Variants in LHFPL3 observed in about 807,000 individuals in gnomAD.
LHFPL3 encodes the protein LHFPL tetraspan subfamily member 3, also known as LHFPL tetraspan subfamily member 3 protein.
Under a neutral mutation model 19.3 loss-of-function variants are expected in LHFPL3, and 5 were observed. That is an observed-to-expected ratio of 0.26 (90% confidence interval 0.14 to 0.54). LHFPL3 has a LOEUF of 0.54. Ranked by LOEUF, LHFPL3 falls within the 20% of genes least tolerant of loss-of-function variation. LHFPL3 has a pLI of 0.94. For missense variants in LHFPL3, 249 were observed against 307.4 expected (o/e 0.81, Z 1.42); for synonymous variants, 133 against 126.2 (o/e 1.05, Z -0.36).
intron 1 of LHFPL3, among the ~76,000 whole-genome samples, chr7:104,476,708 C>T (rs1793026159): frequency 6.6e-6 from 1 of 152,194 alleles, no homozygotes; most frequent in Non-Finnish European, 1.5e-5. Context: ...GATCTGCCCA[C>T]CTCAGCCTCC....
intron 1 of LHFPL3, among the ~76,000 whole-genome samples, chr7:104,571,799 TC>T (rs1790235962): frequency 6.6e-6 from 1 of 152,188 alleles, no homozygotes; most frequent in African/African-American, 2.4e-5. Flanking sequence ...ATTTTCATTC[TC>T]CCAAGAATCC....
chr7:104,625,738 A>G (rs969563133), intron 1 of LHFPL3, among the ~76,000 whole-genome samples: 3 of 152,172 alleles, frequency 2.0e-5, no homozygotes, highest in African/African-American at 4.8e-5. Flanking sequence ...TAAGAGGTCA[A>G]TGGCCACTTA....
At chr7:104,759,756 C>G (rs1284289328) in intron 2 of LHFPL3, 1 of 152,178 alleles carries the variant, frequency 6.6e-6, no homozygotes, top group African/African-American at 2.4e-5. Context: ...AGGAAAAGCA[C>G]CAAGGTTTTC....
chr7:104,342,845 T>G (rs76829957), intron 1 of LHFPL3, among the ~76,000 whole-genome samples: 37,951 of 152,174 alleles, frequency 0.25, 5,227 homozygotes, highest in Middle Eastern at 0.38. Context: ...ATAGTGCAAT[T>G]TAATTCAGCA....
Position 104,483,805 on chromosome 7 carries a change from G to A in LHFPL3, c.445+154581G>A, listed in dbSNP as rs528469384. On this transcript the variant is annotated intron_variant, in intron 1 of 2. Coordinates refer to ENST00000424859, the MANE Select transcript of LHFPL3 (RefSeq NM_199000.3). ...TATTTTTTTTAAATTCTTAAATTTTGTGTAGAGACAGAGTCTCACTATGTT... is the reference window on the plus strand; with the variant it reads ...TATTTTTTTTAAATTCTTAAATTTTATGTAGAGACAGAGTCTCACTATGTT... Among the ~76,000 whole-genome samples, 6 of 152,034 alleles carry A rather than the reference G, an allele frequency of 3.9e-5. No homozygotes were observed. In the South Asian group the frequency reaches 1.0e-3, roughly 26 times the overall value.
At chr7:104,384,263 A>G (rs1396316644) in intron 1 of LHFPL3, among the ~76,000 whole-genome samples, 1 of 152,216 alleles carries the variant, frequency 6.6e-6, no homozygotes, top group African/African-American at 2.4e-5. Context: ...AAAGAAAGAT[A>G]AAAGACTAGA....
chr7:104,628,339 A>C (rs1041980353), intron 1 of LHFPL3, among the ~76,000 whole-genome samples: 4 of 152,214 alleles, frequency 2.6e-5, no homozygotes, highest in African/African-American at 9.6e-5. Flanking sequence ...CGTCACTGCC[A>C]TATTCAGCTA....
chr7:104,802,693 T>G (rs1790278795), intron 2 of LHFPL3: 1 of 152,052 alleles, frequency 6.6e-6, no homozygotes, highest in South Asian at 2.1e-4. Context: ...GCTAAGATAT[T>G]CTGGTATAGA....
chr7:104,515,428 G>T (rs1341582013), intron 1 of LHFPL3, among the ~76,000 whole-genome samples: 1 of 152,158 alleles, frequency 6.6e-6, no homozygotes, highest in African/African-American at 2.4e-5. Context: ...ATGCACAACA[G>T]AGCAGTGCCC....
At chr7:104,779,914 GT>G (rs368467284) in intron 2 of LHFPL3, among the ~76,000 whole-genome samples, 10 of 148,550 alleles carry the variant, frequency 6.7e-5, no homozygotes, top group Non-Finnish European at 1.2e-4. Context: ...AATTAGTGGG[GT>G]TTTTTTTTTA....
chr7:104,458,548 G>A (rs375036290), intron 1 of LHFPL3, among the ~76,000 whole-genome samples: 3 of 152,066 alleles, frequency 2.0e-5, no homozygotes, highest in Non-Finnish European at 2.9e-5. Context: ...GTCAGGTAGT[G>A]TGATGCCTCC....
chr7:104,424,773 C>T (rs571016412), intron 1 of LHFPL3, among the ~76,000 whole-genome samples: 49 of 152,116 alleles, frequency 3.2e-4, no homozygotes, highest in Admixed American at 2.7e-3. Flanking sequence ...AGGCAGATCA[C>T]GAGGTCAGGA....
At chr7:104,627,031 G>A (rs764197355) in intron 1 of LHFPL3, among the ~76,000 whole-genome samples, 3 of 151,790 alleles carry the variant, frequency 2.0e-5, no homozygotes, top group African/African-American at 4.8e-5. Flanking sequence ...TATATAATAC[G>A]TTATTATTAA....
intron 2 of LHFPL3, among the ~76,000 whole-genome samples, chr7:104,790,248 G>A (rs1584535481): frequency 2.0e-5 from 3 of 152,058 alleles, no homozygotes; most frequent in Admixed American, 2.0e-4. Flanking sequence ...ACCACCCAAG[G>A]CAATTTTCCC....
intron 1 of LHFPL3, among the ~76,000 whole-genome samples, chr7:104,513,589 C>T (rs527492493): frequency 6.6e-6 from 1 of 152,246 alleles, no homozygotes; most frequent in South Asian, 2.1e-4. Context: ...ATGGTCAGTC[C>T]TAATGCATCA....
At chr7:104,345,153 A>AT (rs746381936) in intron 1 of LHFPL3, among the ~76,000 whole-genome samples, 1 of 152,136 alleles carries the variant, frequency 6.6e-6, no homozygotes, top group Non-Finnish European at 1.5e-5. Context: ...TTTCCTAAGA[A>AT]TTTGTCTAAT....
chr7:104,378,778 C>T (rs1454902710), intron 1 of LHFPL3, among the ~76,000 whole-genome samples: 1 of 152,170 alleles, frequency 6.6e-6, no homozygotes, highest in Admixed American at 6.5e-5. Flanking sequence ...AATGTACTTA[C>T]TGGCCACTAG....
At chr7:104,825,283 T>G (rs960355129) in intron 2 of LHFPL3, among the ~76,000 whole-genome samples, 3 of 151,828 alleles carry the variant, frequency 2.0e-5, no homozygotes, top group Admixed American at 6.6e-5. Context: ...CTGAGGCACA[T>G]TTGGACAGCA....
chr7:104,404,343 CATTT>C (rs1791375523), intron 1 of LHFPL3, among the ~76,000 whole-genome samples: 1 of 152,082 alleles, frequency 6.6e-6, no homozygotes, highest in African/African-American at 2.4e-5. Context: ...AATAAAATGA[CATTT>C]AATTAAATGT....
Sources: gnomAD v4.1 joint callset for allele counts (sites outside exome capture counted in the v4.1 genomes callset) on GRCh38, gnomAD v4.1.1 for gene constraint, MANE v1.5 for transcripts, NCBI Gene and HGNC (gene_info 2026-07-23, HGNC 2026-07-21) for gene names.